Variants in PARD6G observed in about 807,000 individuals in gnomAD.
The protein encoded by PARD6G is par-6 family cell polarity regulator gamma, also known as partitioning defective 6 homolog gamma.
PARD6G carries 7 observed loss-of-function variants against 10.7 expected under a neutral mutation model. The observed-to-expected ratio is 0.66, with a 90% confidence interval of 0.37 to 1.23. The LOEUF (loss-of-function observed/expected upper bound fraction) is 1.23, where lower values mean the gene tolerates loss of function less well. PARD6G is among the 50% of genes most tolerant of loss of function. The probability of loss-of-function intolerance (pLI) is 0.02; values close to 1 mark genes in which losing one functional copy is unlikely to be tolerated. For missense variants in PARD6G, 548 were observed against 571.8 expected, an observed-to-expected ratio of 0.96 and a Z score of 0.42; for synonymous variants, 287 against 269.4, an observed-to-expected ratio of 1.07 and a Z score of -0.64.
In PARD6G at chr18:80,186,526, A is replaced by G. The variant is rs1016289467; in HGVS notation, c.295+16184T>C. 2.7e-5 allele frequency among the ~76,000 whole-genome samples: 4 copies of G among 150,332 alleles called. No individual in the cohort carries two copies. The East Asian group carries it at 7.9e-4, about 30-fold the overall frequency. On this transcript the variant is annotated intron_variant, in intron 2 of 2. Coordinates refer to ENST00000353265, the MANE Select transcript of PARD6G (RefSeq NM_032510.4). ...CTCGCACACCCTCACACATGCATGC[A>G]TCCTCACACACGCGCACACCCTCAC...
At chr18:80,204,795 C>G (rs1205196057) in intron 1 of PARD6G, among the ~76,000 whole-genome samples, 1 of 151,466 alleles carries the variant, frequency 6.6e-6, no homozygotes, top group Admixed American at 6.6e-5. Flanking sequence ...CTAAAAGTAC[C>G]AAAAAATGAG....
At chr18:80,217,305 A>C (rs892420305) in intron 1 of PARD6G, among the ~76,000 whole-genome samples, 2 of 152,230 alleles carry the variant, frequency 1.3e-5, no homozygotes, top group African/African-American at 4.8e-5. Context: ...ACCATACAGA[A>C]GAATACCAAA....
At position 80,192,214 on chromosome 18, in the gene PARD6G, GA is replaced by G. The variant is rs1443143620; in HGVS notation, c.295+10495del. Among the ~76,000 whole-genome samples, 3 of 152,230 alleles carry G rather than the reference GA, an allele frequency of 2.0e-5. No homozygotes were observed. The highest frequency in any genetic ancestry group is 4.4e-5 in the Non-Finnish European group (3 of 68,046). ...CAGTGACCCCTTCGTTCATTCCTGA[GA>G]AGCAAGAACATCAATGAACACTCTC... On this transcript the variant is annotated intron_variant, in intron 2 of 2. Transcript: ENST00000353265. This position sits in a 1 kb window ranked among gnomAD's most constrained non-coding sequence, Gnocchi z 4.9.
In PARD6G at chr18:80,200,065, T is replaced by C. The variant is rs1230453255; in HGVS notation, c.295+2645A>G. 2.0e-5 allele frequency among the ~76,000 whole-genome samples: 3 copies of C among 152,180 alleles called. No individual in the cohort carries two copies. The highest frequency in any genetic ancestry group is 4.4e-5 in the Non-Finnish European group (3 of 68,036). Reference sequence around the variant, plus strand: ...TTAACATATATTTAAATAAAATACGTCCGTGTACAGAAAGTTATTAAGTAA... The same window carrying C: ...TTAACATATATTTAAATAAAATACGCCCGTGTACAGAAAGTTATTAAGTAA... On this transcript the variant is annotated intron_variant, in intron 2 of 2. Coordinates refer to ENST00000353265, the MANE Select transcript of PARD6G (RefSeq NM_032510.4). The surrounding 1 kb of genome is among the most constrained non-coding windows in gnomAD (Gnocchi z 4.4).
rs996927386 is a variant in PARD6G, at chr18:80,201,624, G to C, written c.295+1086C>G. ...AGAATCTGTCTGAAGTGAGGTCAAC[G>C]AGTCTCCTGCCGTTCCCTTCATCAC... On this transcript the variant is annotated intron_variant, in intron 2 of 2. Coordinates refer to ENST00000353265, the MANE Select transcript of PARD6G (RefSeq NM_032510.4). The surrounding 1 kb of genome is among the most constrained non-coding windows in gnomAD (Gnocchi z 5.9). Among the ~76,000 whole-genome samples the C allele has an allele frequency of 2.6e-5, 4 of 152,224 alleles. No individual in the cohort carries two copies. Among genetic ancestry groups the C allele is most frequent in the African/African-American group, 7.2e-5 (3 of 41,454 alleles).
At position 80,233,969 on chromosome 18, in the gene PARD6G, C is replaced by T. The variant is rs138513376; in HGVS notation, c.72+13308G>A. Among the ~76,000 whole-genome samples, 23 of 152,196 alleles carry T rather than the reference C, an allele frequency of 1.5e-4. No individual in the cohort carries two copies. The East Asian group carries it at 4.1e-3, about 27-fold the overall frequency. ...CGGCCCTCGAGACACAAAGGCTTCACGAACACCCTCCGAGTGTAGAAGGGA... is the reference window on the plus strand; with the variant it reads ...CGGCCCTCGAGACACAAAGGCTTCATGAACACCCTCCGAGTGTAGAAGGGA... On this transcript the variant is annotated intron_variant, in intron 1 of 2. Transcript: ENST00000353265.
At chr18:80,163,197 G>A (rs1037890205) in intron 2 of PARD6G, among the ~76,000 whole-genome samples, 1 of 152,186 alleles carries the variant, frequency 6.6e-6, no homozygotes, top group East Asian at 1.9e-4. Flanking sequence ...GCTCCTCCTT[G>A]AGGACAGGCC....
chr18:80,186,793 C>A (rs1259640337), intron 2 of PARD6G, among the ~76,000 whole-genome samples: 1 of 152,178 alleles, frequency 6.6e-6, no homozygotes, highest in African/African-American at 2.4e-5. Context: ...ATCTTCTCAT[C>A]TTTTCTGGTC....
At chr18:80,233,907 T>G (rs1418801169) in intron 1 of PARD6G, among the ~76,000 whole-genome samples, 1 of 152,060 alleles carries the variant, frequency 6.6e-6, no homozygotes, top group Non-Finnish European at 1.5e-5. Context: ...GCAGGCAGGC[T>G]TTTAGGAGGA....
intron 1 of PARD6G, among the ~76,000 whole-genome samples, chr18:80,208,175 C>A (rs1381526542): frequency 1.3e-5 from 2 of 151,980 alleles, no homozygotes; most frequent in Non-Finnish European, 2.9e-5. Flanking sequence ...AGATCATGCA[C>A]CAAAAACTTT....
In PARD6G at chr18:80,161,052, A is replaced by G. The variant is rs1599840382; in HGVS notation, c.296-446T>C. On this transcript the variant is annotated intron_variant, in intron 2 of 2. Transcript: ENST00000353265. The surrounding 1 kb of genome is among the most constrained non-coding windows in gnomAD (Gnocchi z 4.6). Reference sequence around the variant, plus strand: ...CTAAGGTTAATTACAACTAAGAGAGACCTTTCCTGCTTTCTTCTTTTCTAT... The same window carrying G: ...CTAAGGTTAATTACAACTAAGAGAGGCCTTTCCTGCTTTCTTCTTTTCTAT... 6.6e-6 allele frequency among the ~76,000 whole-genome samples: 1 copy of G among 151,990 alleles called. No homozygotes were observed. Among genetic ancestry groups the G allele is most frequent in the African/African-American group, 2.4e-5 (1 of 41,368 alleles).
rs992825728 is a variant in PARD6G, at chr18:80,188,981, G to A, written c.295+13729C>T. Among the ~76,000 whole-genome samples the A allele has an allele frequency of 6.6e-6, 1 of 152,220 alleles. No homozygotes were observed. The highest frequency in any genetic ancestry group is 1.5e-5 in the Non-Finnish European group (1 of 68,036). On this transcript the variant is annotated intron_variant, in intron 2 of 2. Coordinates refer to ENST00000353265, the MANE Select transcript of PARD6G (RefSeq NM_032510.4). The surrounding 1 kb of genome is among the most constrained non-coding windows in gnomAD (Gnocchi z 5.4). ...CATCCCAGCAGAGGCAGCAAGGTAGGCGTTGCCCAGCCCGGGGTTGCCTGA... is the reference window on the plus strand; with the variant it reads ...CATCCCAGCAGAGGCAGCAAGGTAGACGTTGCCCAGCCCGGGGTTGCCTGA...
intron 1 of PARD6G, among the ~76,000 whole-genome samples, chr18:80,232,260 T>C (rs887829736): frequency 6.6e-6 from 1 of 151,520 alleles, no homozygotes; most frequent in Non-Finnish European, 1.5e-5. Flanking sequence ...TCACCAGGAG[T>C]ACTCTGACCT....
chr18:80,186,723 C>T (rs989600727), intron 2 of PARD6G, among the ~76,000 whole-genome samples: 2 of 152,182 alleles, frequency 1.3e-5, no homozygotes, highest in African/African-American at 4.8e-5. Context: ...TGCTACTCCC[C>T]CAGTTTTAAA....
At chr18:80,219,917 C>T (rs374284724) in intron 1 of PARD6G, among the ~76,000 whole-genome samples, 2 of 152,296 alleles carry the variant, frequency 1.3e-5, no homozygotes, top group East Asian at 3.9e-4. Flanking sequence ...ACTGTTCCAA[C>T]CTCTGCCTGT....
chr18:80,204,670 C>A lies in PARD6G; in HGVS notation c.73-1738G>T, dbSNP rs530603396. Among the ~76,000 whole-genome samples, 4 of 151,586 alleles carry A rather than the reference C, an allele frequency of 2.6e-5. No individual in the cohort carries two copies. In the South Asian group the frequency reaches 8.3e-4, roughly 32 times the overall value. On this transcript the variant is annotated intron_variant, in intron 1 of 2. Transcript: ENST00000353265. ...GACAATTCAAAATACTGGCTTGGGG[C>A]AGGCATGGTGGCTCACGCCTGTAAT...
At chr18:80,222,696 C>A (rs1026846028) in intron 1 of PARD6G, among the ~76,000 whole-genome samples, 2 of 151,808 alleles carry the variant, frequency 1.3e-5, no homozygotes, top group African/African-American at 4.8e-5. Context: ...TTTTTTAAGA[C>A]AGGGTCTTGC....
At chr18:80,178,532 G>T (rs769550717) in intron 2 of PARD6G, 2 of 152,328 alleles carry the variant, frequency 1.3e-5, no homozygotes, top group African/African-American at 4.8e-5. Context: ...TCCCTCAAGC[G>T]CATTTCCAGT....
chr18:80,210,973 A>G (rs1199059716), intron 1 of PARD6G, among the ~76,000 whole-genome samples: 1 of 148,932 alleles, frequency 6.7e-6, no homozygotes, highest in Non-Finnish European at 1.5e-5. Flanking sequence ...TGATCTGCTG[A>G]CAGACAAATG....
Sources: gnomAD v4.1 joint callset for allele counts (sites outside exome capture counted in the v4.1 genomes callset) on GRCh38, gnomAD v4.1.1 for gene constraint, Gnocchi (gnomAD v3.1) non-coding constraint, MANE v1.5 for transcripts, NCBI Gene and HGNC (gene_info 2026-07-23, HGNC 2026-07-21) for gene names.